SLC35E2B: variants seen among roughly 807,000 people sequenced by gnomAD.
The protein encoded by SLC35E2B is solute carrier family 35 member E2B, also known as solute carrier family 35, member E2B.
In SLC35E2B, 18 loss-of-function variants were observed where a neutral mutation model predicts 32.4. The ratio of observed to expected loss-of-function variants is 0.56; its 90% CI spans 0.38 to 0.82. The LOEUF is 0.82. Ranked by LOEUF, SLC35E2B falls within the 40% of genes least tolerant of loss-of-function variation. SLC35E2B has a pLI of 0.00. For missense variants in SLC35E2B, 263 were observed against 469.5 expected (o/e 0.56, Z 4.06); for synonymous variants, 132 against 209.1 (o/e 0.63, Z 3.18).
chr1:1,669,036 G>GCA (rs1403193563), intron 8 of SLC35E2B, among the ~76,000 whole-genome samples: 1 of 151,382 alleles, frequency 6.6e-6, no homozygotes, highest in Admixed American at 6.6e-5. Flanking sequence ...ATATAATCCA[G>GCA]CACTTCCACT....
At chr1:1,689,465 A>G (rs3737624) in intron 2 of SLC35E2B, among the ~76,000 whole-genome samples, 65,166 of 150,814 alleles carry the variant, frequency 0.43, 15,185 homozygotes, top group East Asian at 0.53. Context: ...CGAAGGAAAG[A>G]CACGGCTTTG....
chr1:1,666,024 G>C lies in SLC35E2B; in HGVS notation c.981-5C>G. ...TGTTTCACGGTGCTGGCGACGCTGC[G>C]GAGGCAAGGGGAGGCAGCAGGGGCG... On this transcript the variant is annotated splice_polypyrimidine_tract_variant and splice_region_variant and intron_variant, in intron 9 of 9. Transcript: ENST00000617444. 1.3e-6 allele frequency: 2 copies of C among 1,548,064 alleles called. No homozygotes were observed.
chr1:1,665,760 A>G lies in SLC35E2B; in HGVS notation c.*22T>C, dbSNP rs118019725. 4.3e-4 allele frequency: 665 copies of G among 1,547,640 alleles called. 10 individuals carry two copies. In the East Asian group the frequency reaches 0.016, roughly 37 times the overall value. On this transcript the variant is annotated 3_prime_UTR_variant, in exon 10 of 10. Coordinates refer to ENST00000617444, the MANE Select transcript of SLC35E2B (RefSeq NM_001290264.2). ...GGGGATGCAGTGTCACGAGGACAGCAGCAGCTGGCAGCTTCCTGCTCTCAG... is the reference window on the plus strand; with the variant it reads ...GGGGATGCAGTGTCACGAGGACAGCGGCAGCTGGCAGCTTCCTGCTCTCAG...
At chr1:1,679,221 C>T (rs527611074) in intron 2 of SLC35E2B, among the ~76,000 whole-genome samples, 9 of 152,328 alleles carry the variant, frequency 5.9e-5, no homozygotes, top group Middle Eastern at 6.8e-3. Flanking sequence ...TGGGCTCGGG[C>T]GTGTGCAGAC....
chr1:1,674,842 C>A (rs964557935), intron 5 of SLC35E2B, among the ~76,000 whole-genome samples: 8 of 152,036 alleles, frequency 5.3e-5, no homozygotes, highest in Admixed American at 1.3e-4. Flanking sequence ...CACGTGTGCA[C>A]CCCCCGACTC....
chr1:1,666,075 GT>G (rs1643537135), intron 9 of SLC35E2B, 56 bp from the exon 10 acceptor site: 1 of 1,503,906 alleles, frequency 6.6e-7, no homozygotes, highest in East Asian at 2.5e-5. Context: ...TCCTCAGCCC[GT>G]GGCCAGCAGC....
intron 2 of SLC35E2B, among the ~76,000 whole-genome samples, chr1:1,684,203 T>C (rs999449840): frequency 1.3e-5 from 2 of 152,172 alleles, no homozygotes; most frequent in Non-Finnish European, 2.9e-5. Flanking sequence ...TGGCTCTTAA[T>C]GTGCCTCATC....
chr1:1,666,614 C>T (rs1162054673), intron 9 of SLC35E2B, among the ~76,000 whole-genome samples: 6 of 152,186 alleles, frequency 3.9e-5, no homozygotes, highest in Non-Finnish European at 8.8e-5. Flanking sequence ...CATCACCGGG[C>T]GCAGCGGCTT....
intron 5 of SLC35E2B, chr1:1,674,130 AC>A (rs1220070284): frequency 5.2e-5 from 9 of 174,694 alleles, no homozygotes; most frequent in South Asian, 2.9e-4. Flanking sequence ...TTCTGCCTAA[AC>A]CAACTCAAAA....
chr1:1,669,609 C>A, intron 8 of SLC35E2B, 55 bp downstream of exon 8: 2 of 1,461,190 alleles, frequency 1.4e-6, no homozygotes, highest in South Asian at 2.6e-5. Context: ...GCTCCTGAAT[C>A]ACCGGAGAAG....
chr1:1,687,413 C>G (rs1474166725), intron 2 of SLC35E2B, among the ~76,000 whole-genome samples: 1 of 151,924 alleles, frequency 6.6e-6, no homozygotes, highest in South Asian at 2.1e-4. Context: ...CCTGTCTCTA[C>G]TAAAAATACA....
chr1:1,665,721 C>A lies in SLC35E2B; in HGVS notation c.*61G>T. ...CAGCAGGGCCATGGAGGAGGGCGTCCCTGCCCATTTCTGGGGGATGCAGTG... is the reference window on the plus strand; with the variant it reads ...CAGCAGGGCCATGGAGGAGGGCGTCACTGCCCATTTCTGGGGGATGCAGTG... On this transcript the variant is annotated 3_prime_UTR_variant, in exon 10 of 10. Coordinates refer to ENST00000617444, the MANE Select transcript of SLC35E2B (RefSeq NM_001290264.2). The A allele has an allele frequency of 6.5e-7, 1 of 1,532,820 alleles. No individual in the cohort carries two copies. Among genetic ancestry groups the A allele is most frequent in the Non-Finnish European group, 8.8e-7 (1 of 1,135,092 alleles). The allele number at this position is 1,532,820 out of a possible 1,614,324, so 95.0% of individuals were successfully genotyped here.
At chr1:1,682,240 T>C (rs1643906235) in intron 2 of SLC35E2B, among the ~76,000 whole-genome samples, 2 of 151,978 alleles carry the variant, frequency 1.3e-5, no homozygotes, top group African/African-American at 4.8e-5. Flanking sequence ...GAGGCTGACT[T>C]GGGTCACAGA....
chr1:1,684,745 G>C (rs1285438547), intron 2 of SLC35E2B, among the ~76,000 whole-genome samples: 2 of 134,784 alleles, frequency 1.5e-5, no homozygotes, highest in South Asian at 4.9e-4. Flanking sequence ...AGCCGAGATC[G>C]CGCCATTGCA....
chr1:1,673,191 G>A (rs1310290089), intron 5 of SLC35E2B: 2 of 292,498 alleles, frequency 6.8e-6, no homozygotes, highest in Non-Finnish European at 1.4e-5. Flanking sequence ...GCAACACAGC[G>A]AGACCCCATC....
At chr1:1,680,021 G>A (rs1035882395) in intron 2 of SLC35E2B, among the ~76,000 whole-genome samples, 5 of 152,044 alleles carry the variant, frequency 3.3e-5, no homozygotes, top group African/African-American at 7.2e-5. Context: ...CAGCTACTCA[G>A]GAGGCTGAGG....
Position 1,665,314 on chromosome 1 carries a change from C to T in SLC35E2B, c.*468G>A, listed in dbSNP as rs1342026492. 3.7e-5 allele frequency: 13 copies of T among 349,846 alleles called. No individual in the cohort carries two copies. The highest frequency in any genetic ancestry group is 1.3e-4 in the East Asian group (3 of 22,752). 21.7% of individuals were successfully genotyped at this position (349,846 alleles called of 1,614,324 possible). On this transcript the variant is annotated 3_prime_UTR_variant, in exon 10 of 10. Coordinates refer to ENST00000617444, the MANE Select transcript of SLC35E2B (RefSeq NM_001290264.2). The stretch of plus-strand genomic sequence containing the variant: ...TCCAGGGCCCTCTGTCCCCTCCCTT[C>T]GGCCCTGCTCTGTGGCCTCATGCCC...
At chr1:1,684,664 C>T (rs1367513532) in intron 2 of SLC35E2B, among the ~76,000 whole-genome samples, 1 of 151,898 alleles carries the variant, frequency 6.6e-6, no homozygotes, top group East Asian at 1.9e-4. Flanking sequence ...GTGGTGGGTG[C>T]CTGCAGTCCC....
intron 2 of SLC35E2B, among the ~76,000 whole-genome samples, chr1:1,680,989 A>G (rs571359055): frequency 4.1e-5 from 6 of 147,698 alleles, no homozygotes; most frequent in Non-Finnish European, 7.5e-5. Flanking sequence ...AAACACTGGG[A>G]GCTCCACGTC....
Sources: gnomAD v4.1 joint callset for allele counts (sites outside exome capture counted in the v4.1 genomes callset) on GRCh38, gnomAD v4.1.1 for gene constraint, MANE v1.5 for transcripts, NCBI Gene and HGNC (gene_info 2026-07-23, HGNC 2026-07-21) for gene names.